PRTG: variants seen among roughly 807,000 people sequenced by gnomAD.
PRTG encodes protogenin.
PRTG carries 67 observed loss-of-function variants against 122.5 expected under a neutral mutation model. The observed-to-expected ratio is 0.55, with a 90% confidence interval of 0.45 to 0.67. PRTG has a LOEUF of 0.67. PRTG is among the 30% of genes least tolerant of loss of function. PRTG has a pLI of 0.00. For synonymous variants in PRTG, 554 were observed against 501.1 expected, an observed-to-expected ratio of 1.11 and a Z score of -1.41; for missense variants, 1,435 against 1,415.4, an observed-to-expected ratio of 1.01 and a Z score of -0.22.
chr15:55,620,527 G>A, intron 19 of PRTG, 136 bp downstream of exon 19: 1 of 1,342,108 alleles, frequency 7.5e-7, no homozygotes, highest in Admixed American at 3.0e-5. Context: ...ACAGAGCCAT[G>A]CCCCAAATTA....
At chr15:55,643,558 C>G (rs116463640) in intron 11 of PRTG, among the ~76,000 whole-genome samples, 1,915 of 152,108 alleles carry the variant, frequency 0.013, 46 homozygotes, top group African/African-American at 0.04. Flanking sequence ...CTCAGCCTCT[C>G]GAGTAGCTGA....
chr15:55,657,875 G>T (rs2059388881), intron 11 of PRTG, among the ~76,000 whole-genome samples: 2 of 152,014 alleles, frequency 1.3e-5, no homozygotes. Context: ...ATCAAATACA[G>T]TTATGAAACA....
intron 11 of PRTG, among the ~76,000 whole-genome samples, chr15:55,649,345 G>A (rs1175340682): frequency 6.6e-6 from 1 of 152,076 alleles, no homozygotes; most frequent in Non-Finnish European, 1.5e-5. Context: ...CTGTACCTTG[G>A]TTACAATCAC....
intron 11 of PRTG, among the ~76,000 whole-genome samples, chr15:55,650,065 G>A (rs1026181016): frequency 6.6e-6 from 1 of 152,072 alleles, no homozygotes; most frequent in Non-Finnish European, 1.5e-5. Context: ...AAATTTAAGG[G>A]AGAAAGCTGG....
chr15:55,642,192 A>T (rs2059295382), intron 11 of PRTG, among the ~76,000 whole-genome samples: 1 of 151,488 alleles, frequency 6.6e-6, no homozygotes, highest in Admixed American at 6.6e-5. Flanking sequence ...AAAAAAAAAA[A>T]AAAAAAAAAA....
At chr15:55,726,962 A>G (rs1476018179) in intron 2 of PRTG, among the ~76,000 whole-genome samples, 1 of 151,816 alleles carries the variant, frequency 6.6e-6, no homozygotes, top group Non-Finnish European at 1.5e-5. Flanking sequence ...AAAAAAAAAA[A>G]AAGAAAAAGA....
At chr15:55,740,813 TACAAAC>T (rs2031585793) in intron 1 of PRTG, 129 bp from the exon 2 acceptor site, 2 of 760,970 alleles carry the variant, frequency 2.6e-6, no homozygotes, top group Admixed American at 6.2e-5. Flanking sequence ...TTAGTTAACT[TACAAAC>T]ACCTTAATGA....
chr15:55,725,429 A>G (rs557713044), intron 2 of PRTG, among the ~76,000 whole-genome samples: 1 of 152,280 alleles, frequency 6.6e-6, no homozygotes, highest in African/African-American at 2.4e-5. Flanking sequence ...CCTTATCTCT[A>G]TAAAAAATAC....
At chr15:55,736,444 G>C in intron 2 of PRTG, among the ~76,000 whole-genome samples, 1 of 151,086 alleles carries the variant, frequency 6.6e-6, no homozygotes, top group Non-Finnish European at 1.5e-5. Context: ...ACATTTCAAA[G>C]ACTTGGTATT....
chr15:55,656,967 C>T (rs1472428577), intron 11 of PRTG, among the ~76,000 whole-genome samples: 12 of 152,208 alleles, frequency 7.9e-5, no homozygotes, highest in African/African-American at 2.9e-4. Flanking sequence ...ATTTCTAGAA[C>T]TATCTGGGAC....
intron 15 of PRTG, among the ~76,000 whole-genome samples, chr15:55,629,529 T>C (rs1033679713): frequency 1.3e-5 from 2 of 151,896 alleles, no homozygotes; most frequent in African/African-American, 4.8e-5. Flanking sequence ...AATAATGGTA[T>C]AATGAACCCA....
chr15:55,622,362 C>CA (rs764505972), intron 18 of PRTG, among the ~76,000 whole-genome samples: 49 of 149,198 alleles, frequency 3.3e-4, no homozygotes, highest in Admixed American at 7.5e-4. Context: ...GGATTACAGG[C>CA]ATGCATCATC....
At chr15:55,735,919 C>A (rs1237809829) in intron 2 of PRTG, among the ~76,000 whole-genome samples, 1 of 152,026 alleles carries the variant, frequency 6.6e-6, no homozygotes, top group Non-Finnish European at 1.5e-5. Flanking sequence ...TCTAAAAAAG[C>A]CTGTAGAACT....
At position 55,637,278 on chromosome 15, in the gene PRTG, A is replaced by T. The variant is rs1402928333; in HGVS notation, c.2515T>A (p.Ser839Thr). ...TLIEDDTALV[S>T]WKPPDGPETV... is the part of the protein sequence containing the mutation. ...TCTGGGCCATCAGGGGGTTTCCAAG[A>T]AACCAGGGCAGTGTCATCCTCTATT... is the stretch of plus-strand genomic sequence containing the variant. The change falls in exon 15 of 20, where the codon TCT becomes ACT. Residue 839 changes from serine to threonine, a missense_variant. Ser to Thr is a moderately conservative substitution (Grantham distance 58, BLOSUM62 1). Transcript: ENST00000389286. The T allele has an allele frequency of 6.2e-7, 1 of 1,613,982 alleles. No individual in the cohort carries two copies.
intron 11 of PRTG, among the ~76,000 whole-genome samples, chr15:55,660,610 G>A (rs1004128531): frequency 2.6e-5 from 4 of 152,110 alleles, no homozygotes; most frequent in Admixed American, 1.3e-4. Flanking sequence ...GTTTACTGAA[G>A]CTTTTTCTTC....
chr15:55,627,326 GT>G (rs35771809), intron 16 of PRTG, among the ~76,000 whole-genome samples, 198 bp from the exon 17 acceptor site: 8,811 of 131,406 alleles, frequency 0.067, 706 homozygotes, highest in African/African-American at 0.23. Context: ...CAATATTAAA[GT>G]TTTTTTTTTT....
chr15:55,740,391 C>T lies in PRTG; in HGVS notation c.388G>A (p.Ala130Thr). Residue 130 changes from alanine to threonine, a missense_variant, in exon 2 of 20, where the codon GCC (alanine) becomes ACC (threonine). Coordinates refer to ENST00000389286, the MANE Select transcript of PRTG (RefSeq NM_173814.6). ...AAACTTAAACACTTACTTGATAAGG[C>T]AAGATGAGCTTTTTGACTAAGAATG... Reference protein sequence around the residue: ...GAILSQKAHLALSTISAFEVQ... With the variant: ...GAILSQKAHLTLSTISAFEVQ... The T allele has an allele frequency of 6.2e-7, 1 of 1,601,578 alleles. No homozygotes were observed. The highest frequency in any genetic ancestry group is 8.5e-7 in the Non-Finnish European group (1 of 1,173,066).
chr15:55,711,288 T>A (rs1382325434), intron 2 of PRTG, among the ~76,000 whole-genome samples: 3 of 152,158 alleles, frequency 2.0e-5, no homozygotes, highest in African/African-American at 7.2e-5. Flanking sequence ...TTGTAACTTC[T>A]GTCTTCCAAA....
intron 2 of PRTG, among the ~76,000 whole-genome samples, chr15:55,684,436 G>T (rs953546541): frequency 6.6e-6 from 1 of 152,202 alleles, no homozygotes; most frequent in Non-Finnish European, 1.5e-5. Flanking sequence ...GACAAGCACA[G>T]AGGTAAGAAA....
Sources: gnomAD v4.1 joint callset for allele counts (sites outside exome capture counted in the v4.1 genomes callset) on GRCh38, gnomAD v4.1.1 for gene constraint, MANE v1.5 for transcripts, NCBI Gene and HGNC (gene_info 2026-07-23, HGNC 2026-07-21) for gene names.